Variants in MAGI2 observed in about 807,000 individuals in gnomAD.
MAGI2 encodes membrane-associated guanylate kinase, WW and PDZ domain-containing protein 2.
In MAGI2, 35 loss-of-function variants were observed where a neutral mutation model predicts 133.3. That is an observed-to-expected ratio of 0.26 (90% CI 0.20 to 0.35). The LOEUF (loss-of-function observed/expected upper bound fraction) is 0.35, where lower values mean the gene tolerates loss of function less well. Among genes scored for constraint, MAGI2 ranks in the 10% least tolerant of loss-of-function variants. The probability of loss-of-function intolerance (pLI) is 1.00; values close to 1 mark genes in which losing one functional copy is unlikely to be tolerated. For missense variants in MAGI2, 1,636 were observed against 1,863.4 expected, an observed-to-expected ratio of 0.88 and a Z score of 2.25; for synonymous variants, 729 against 710.6, an observed-to-expected ratio of 1.03 and a Z score of -0.41.
At chr7:78,553,029 G>T (rs548644215) in intron 3 of MAGI2, among the ~76,000 whole-genome samples, 3 of 150,058 alleles carry the variant, frequency 2.0e-5, no homozygotes, top group Non-Finnish European at 4.4e-5. Context: ...AGATGAGATC[G>T]TCTTAAAAAC....
intron 1 of MAGI2, among the ~76,000 whole-genome samples, chr7:79,363,409 C>A (rs1842487279): frequency 6.7e-6 from 1 of 149,260 alleles, no homozygotes; most frequent in Non-Finnish European, 1.5e-5. Flanking sequence ...AATATATATT[C>A]TCCCAAAATT....
chr7:78,164,319 C>T (rs1349655043), intron 15 of MAGI2, among the ~76,000 whole-genome samples: 1 of 152,188 alleles, frequency 6.6e-6, no homozygotes, highest in East Asian at 1.9e-4. Flanking sequence ...TGCCTTGAAG[C>T]ATGGCTGAGG....
At chr7:79,315,057 A>G (rs1053432734) in intron 1 of MAGI2, among the ~76,000 whole-genome samples, 2 of 152,176 alleles carry the variant, frequency 1.3e-5, no homozygotes, top group African/African-American at 4.8e-5. Flanking sequence ...ATCACATGCA[A>G]TGCAAAGTTT....
At chr7:78,949,653 A>T (rs1801707663) in intron 2 of MAGI2, among the ~76,000 whole-genome samples, 1 of 152,224 alleles carries the variant, frequency 6.6e-6, no homozygotes, top group Non-Finnish European at 1.5e-5. Flanking sequence ...GTATAATGAC[A>T]TACAAAAATT....
intron 1 of MAGI2, among the ~76,000 whole-genome samples, chr7:79,070,590 T>G (rs1021862139): frequency 6.6e-6 from 1 of 151,694 alleles, no homozygotes; most frequent in Non-Finnish European, 1.5e-5. Context: ...CTCCCGGGTT[T>G]ACACCATTCT....
chr7:79,093,418 A>C (rs1318443387), intron 1 of MAGI2, among the ~76,000 whole-genome samples: 2 of 152,202 alleles, frequency 1.3e-5, no homozygotes, highest in Admixed American at 6.5e-5. Context: ...GCAATAAAGT[A>C]AGTCACATAA....
At chr7:78,266,258 T>A (rs138284239) in intron 9 of MAGI2, among the ~76,000 whole-genome samples, 1 of 152,312 alleles carries the variant, frequency 6.6e-6, no homozygotes, top group Non-Finnish European at 1.5e-5. Flanking sequence ...TAAAGTGTAG[T>A]GGCACTATCC....
intron 2 of MAGI2, among the ~76,000 whole-genome samples, chr7:78,913,694 C>T (rs1410346636): frequency 6.6e-6 from 1 of 152,142 alleles, no homozygotes; most frequent in African/African-American, 2.4e-5. Context: ...ATTTGACTTG[C>T]TGTTATGTTC....
In MAGI2 at chr7:78,019,264, T is replaced by C; in HGVS notation, c.*51A>G. ...AATTAAAACGCCGTGAGACGGAACC[T>C]AAGAAGAACTGCCTGCGCCGGGGCG... On this transcript the variant is annotated 3_prime_UTR_variant, in exon 22 of 22. Transcript: ENST00000354212. The C allele has an allele frequency of 6.4e-7, 1 of 1,570,738 alleles. No homozygotes were observed. The highest frequency in any genetic ancestry group is 8.6e-7 in the Non-Finnish European group (1 of 1,166,040).
intron 1 of MAGI2, among the ~76,000 whole-genome samples, chr7:79,194,348 ACTTT>A (rs1348805091): frequency 6.6e-6 from 1 of 151,944 alleles, no homozygotes; most frequent in Non-Finnish European, 1.5e-5. Flanking sequence ...TAATTTTGTT[ACTTT>A]CTAAGTTGTA....
At chr7:79,167,348 A>T (rs1016788069) in intron 1 of MAGI2, among the ~76,000 whole-genome samples, 14 of 140,060 alleles carry the variant, frequency 1.0e-4, no homozygotes, top group African/African-American at 3.8e-4. Flanking sequence ...GAAAACAGTC[A>T]CCTTTTTCCT....
rs536228964 is a variant in MAGI2, at chr7:79,153,607, C to T, written c.302-146401G>A. Among the ~76,000 whole-genome samples the T allele has an allele frequency of 5.9e-5, 9 of 152,274 alleles. 1 individual carries two copies. The South Asian group carries it at 1.9e-3, about 32-fold the overall frequency. On this transcript the variant is annotated intron_variant, in intron 1 of 21. Transcript: ENST00000354212. ...GCATTCCTCTGAAGGTGAGTTACGG[C>T]TGGAGGACTAGGAAGGCATTGAAGT...
Position 78,160,109 on chromosome 7 carries a change from C to T in MAGI2, c.2761G>A (p.Val921Met). The change falls in exon 16 of 22, where the codon GTG becomes ATG. Residue 921 changes from valine (V) to methionine (M), a missense_variant. Val to Met is a conservative substitution (Grantham distance 21). Transcript: ENST00000354212. The stretch of plus-strand genomic sequence containing the variant: ...TCATTCTCTTTGCGGTGAATGACCA[C>T]ATCACTGGTCTGCAGGCTGTGGGAG... ...FASHSLQTSD[V>M]VIHRKENEGF... 2 of 1,611,528 alleles carry T rather than the reference C, an allele frequency of 1.2e-6. No homozygotes were observed. Among genetic ancestry groups the T allele is most frequent in the Middle Eastern group, 1.7e-4 (1 of 6,058 alleles).
chr7:78,601,919 T>C (rs1313778165), intron 3 of MAGI2, among the ~76,000 whole-genome samples: 1 of 152,192 alleles, frequency 6.6e-6, no homozygotes, highest in Non-Finnish European at 1.5e-5. Flanking sequence ...CTTTGTCTTT[T>C]GATGATGAGT....
chr7:78,361,250 C>T (rs890393119), intron 7 of MAGI2, among the ~76,000 whole-genome samples: 33 of 151,942 alleles, frequency 2.2e-4, no homozygotes, highest in African/African-American at 7.5e-4. Context: ...AAAAATTAGC[C>T]GGGTGTGGTG....
chr7:79,188,545 T>C (rs1827372869), intron 1 of MAGI2, among the ~76,000 whole-genome samples: 1 of 151,842 alleles, frequency 6.6e-6, no homozygotes, highest in African/African-American at 2.4e-5. Context: ...ATTTGGTTGA[T>C]TCCAGGTCTT....
chr7:79,317,771 T>C (rs1838852006), intron 1 of MAGI2, among the ~76,000 whole-genome samples: 1 of 152,162 alleles, frequency 6.6e-6, no homozygotes, highest in Non-Finnish European at 1.5e-5. Context: ...TACTGCCTCA[T>C]TTCCTTCGCT....
intron 20 of MAGI2, among the ~76,000 whole-genome samples, chr7:78,100,115 G>A (rs1475250516): frequency 6.6e-6 from 1 of 152,144 alleles, no homozygotes; most frequent in African/African-American, 2.4e-5. Context: ...AAGCCTGCTT[G>A]TTCAGTATGT....
chr7:79,228,936 T>G (rs962014081), intron 1 of MAGI2, among the ~76,000 whole-genome samples: 3 of 152,306 alleles, frequency 2.0e-5, no homozygotes, highest in African/African-American at 4.8e-5. Flanking sequence ...CCAACACCAG[T>G]AAATTTGTCT....
Sources: allele counts gnomAD v4.1 joint callset (sites outside exome capture counted in the v4.1 genomes callset), GRCh38; gene constraint gnomAD v4.1.1; transcripts MANE v1.5; gene names NCBI Gene and HGNC (gene_info 2026-07-23, HGNC 2026-07-21).